Variants in EIF2AK2 observed in about 807,000 individuals in gnomAD.
EIF2AK2 encodes the protein interferon-induced, double-stranded RNA-activated protein kinase.
Under a neutral mutation model 70.5 loss-of-function variants are expected in EIF2AK2, and 40 were observed. The ratio of observed to expected loss-of-function variants is 0.57; its 90% CI spans 0.44 to 0.74. The LOEUF (loss-of-function observed/expected upper bound fraction) is 0.74, where lower values mean the gene tolerates loss of function less well. EIF2AK2 is among the 30% of genes least tolerant of loss of function. The pLI is 0.00. For synonymous variants in EIF2AK2, 198 were observed against 220.9 expected (o/e 0.90, Z 0.92); for missense variants, 555 against 644.3 (o/e 0.86, Z 1.50).
chr2:37,117,503 C>T (rs989981399), intron 13 of EIF2AK2, among the ~76,000 whole-genome samples: 1 of 152,190 alleles, frequency 6.6e-6, no homozygotes, highest in Non-Finnish European at 1.5e-5. Flanking sequence ...TACAACTGCA[C>T]TCCAGCCTGG....
chr2:37,131,415 C>A (rs1422053001), intron 10 of EIF2AK2, among the ~76,000 whole-genome samples: 1 of 152,188 alleles, frequency 6.6e-6, no homozygotes, highest in African/African-American at 2.4e-5. Context: ...TTAATTATCC[C>A]TGAGGCACAA....
chr2:37,149,902 T>C (rs188119979), intron 1 of EIF2AK2, among the ~76,000 whole-genome samples: 25 of 152,254 alleles, frequency 1.6e-4, no homozygotes, highest in African/African-American at 5.5e-4. Context: ...TGACATTTTA[T>C]AGAAGTGAAC....
chr2:37,147,739 A>G lies in EIF2AK2; in HGVS notation c.68T>C (p.Val23Ala), dbSNP rs764131160. Reference protein sequence around the residue: ...ELNTYRQKQGVVLKYQELPNS... With the variant: ...ELNTYRQKQGAVLKYQELPNS... ...AGGCAGTTCTTGATATTTAAGTACT[A>G]CTCCCTGCTTCTGACGGTATGTATT... is the stretch of plus-strand genomic sequence containing the variant. Residue 23 changes from valine to alanine, a missense_variant, in exon 3 of 17, where the codon GTA (valine) becomes GCA (alanine). By Grantham distance (64) the Val-to-Ala change is moderately conservative. This residue lies in a region of EIF2AK2 where 48 missense variants were observed against 77.1 expected (regional missense o/e 0.62). Coordinates refer to ENST00000233057, the MANE Select transcript of EIF2AK2 (RefSeq NM_001135651.3). 1 of 1,613,340 alleles carries G rather than the reference A, an allele frequency of 6.2e-7. No individual in the cohort carries two copies. The highest frequency in any genetic ancestry group is 8.5e-7 in the Non-Finnish European group (1 of 1,179,780).
intron 4 of EIF2AK2, among the ~76,000 whole-genome samples, chr2:37,145,742 CTTTTTT>C (rs56051707): frequency 0.033 from 1,708 of 51,272 alleles, 74 homozygotes; most frequent in African/African-American, 0.13. Context: ...TTTTGCTTGT[CTTTTTT>C]TTTTTTTTTT....
chr2:37,150,229 A>C (rs1412078385), intron 1 of EIF2AK2, among the ~76,000 whole-genome samples: 1 of 152,170 alleles, frequency 6.6e-6, no homozygotes, highest in Non-Finnish European at 1.5e-5. Flanking sequence ...CAAGCAATAA[A>C]AGGCTGGAAG....
At chr2:37,145,269 A>T (rs1305278866) in intron 4 of EIF2AK2, among the ~76,000 whole-genome samples, 2 of 151,204 alleles carry the variant, frequency 1.3e-5, no homozygotes, top group Non-Finnish European at 2.9e-5. Context: ...CAGCCTCCCA[A>T]GTAGCCGGAA....
chr2:37,113,418 C>T (rs1350849085), intron 14 of EIF2AK2, among the ~76,000 whole-genome samples: 1 of 148,886 alleles, frequency 6.7e-6, no homozygotes. Flanking sequence ...TTGCTTGAAC[C>T]CGGGAGGCAG....
In EIF2AK2 at chr2:37,114,663, T is replaced by C. The variant is rs1050172045; in HGVS notation, c.1377+68A>G. The C allele has an allele frequency of 1.5e-5, 20 of 1,375,698 alleles. No individual in the cohort carries two copies. The African/African-American group carries it at 1.8e-4, about 12-fold the overall frequency. The allele number at this position is 1,375,698 out of a possible 1,614,324, so 85.2% of individuals were successfully genotyped here. ...TGTACAGTTTTAATTATATAAGTAGTGTCTACTCTTTTTATAATTTTCAAA... is the reference window on the plus strand; with the variant it reads ...TGTACAGTTTTAATTATATAAGTAGCGTCTACTCTTTTTATAATTTTCAAA... On this transcript the variant is annotated intron_variant, in intron 14 of 16. Transcript: ENST00000233057.
chr2:37,137,600 C>T (rs1675172532), intron 8 of EIF2AK2, among the ~76,000 whole-genome samples: 1 of 152,182 alleles, frequency 6.6e-6, no homozygotes, highest in African/African-American at 2.4e-5. Flanking sequence ...TGTGCCACTG[C>T]ACCAGCCTAA....
chr2:37,135,496 G>A lies in EIF2AK2; in HGVS notation c.773C>T (p.Thr258Ile). Reference protein sequence around the residue: ...DLPDMKETKYTVDKRFGMDFK... With the variant: ...DLPDMKETKYIVDKRFGMDFK... ...CTTAAAATCTTACCTCTTGTCCACA[G>A]TATACTTTGTTTCTTTCATGTCAGG... is the stretch of plus-strand genomic sequence containing the variant. The change falls in exon 10 of 17, where the codon ACT becomes ATT. Residue 258 changes from threonine to isoleucine, a missense_variant. Thr to Ile is a moderately conservative substitution (Grantham distance 89). Coordinates refer to ENST00000233057, the MANE Select transcript of EIF2AK2 (RefSeq NM_001135651.3). The A allele has an allele frequency of 6.2e-7, 1 of 1,609,126 alleles. No individual in the cohort carries two copies. The highest frequency in any genetic ancestry group is 1.7e-5 in the Admixed American group (1 of 59,372).
At chr2:37,149,247 G>A in intron 1 of EIF2AK2, 1 of 1,101,510 alleles carries the variant, frequency 9.1e-7, no homozygotes, top group Non-Finnish European at 1.4e-6. Context: ...AAGTCACAAA[G>A]TATGAGCAAA....
At chr2:37,155,868 G>A (rs1355440355) in intron 1 of EIF2AK2, among the ~76,000 whole-genome samples, 1 of 151,202 alleles carries the variant, frequency 6.6e-6, no homozygotes, top group African/African-American at 2.4e-5. Flanking sequence ...TTGAACCTGA[G>A]AGGCAGAGGT....
At chr2:37,140,527 C>T (rs1338130513) in intron 5 of EIF2AK2, among the ~76,000 whole-genome samples, 3 of 151,958 alleles carry the variant, frequency 2.0e-5, no homozygotes, top group Non-Finnish European at 4.4e-5. Context: ...GAGTCTTCCC[C>T]GCTAGACCCT....
Position 37,147,789 on chromosome 2 carries a change from T to C in EIF2AK2, c.18A>G (p.Ser6=), listed in dbSNP as rs945820271. The C allele has an allele frequency of 3.1e-6, 5 of 1,612,908 alleles. No homozygotes were observed. The highest frequency in any genetic ancestry group is 2.2e-5 in the East Asian group (1 of 44,844). Residue 6 remains serine (S), a synonymous_variant, in exon 3 of 17, where the codon TCA becomes TCG. Transcript: ENST00000233057. ...TAAGTTCCTCCATGAAGAAACCTGC[T>C]GAAAGATCACCAGCCATTTCTTCTT... is the stretch of plus-strand genomic sequence containing the variant. The part of the protein sequence containing the change: MAGDL[S]AGFFMEELNT...
Position 37,104,344 on chromosome 2 carries a change from T to G in EIF2AK2, c.*2929A>C, listed in dbSNP as rs1254061387. 1.3e-5 allele frequency: 2 copies of G among 151,940 alleles called. No individual in the cohort carries two copies. The highest frequency in any genetic ancestry group is 1.9e-4 in the East Asian group (1 of 5,180). 9.4% of individuals were successfully genotyped at this position (151,940 alleles called of 1,614,324 possible). On this transcript the variant is annotated 3_prime_UTR_variant, in exon 17 of 17. Transcript: ENST00000233057. The stretch of plus-strand genomic sequence containing the variant: ...TTTTATTATTATTATTATTTAGATA[T>G]GATCTCACTCTGTCACCCAGGCTGG...
At chr2:37,143,709 C>A (rs538961406) in intron 4 of EIF2AK2, among the ~76,000 whole-genome samples, 2 of 152,066 alleles carry the variant, frequency 1.3e-5, no homozygotes, top group Admixed American at 1.3e-4. Flanking sequence ...CATAGTGAGA[C>A]TCCATCGCTA....
At chr2:37,139,398 A>AAT (rs1281527312) in intron 6 of EIF2AK2, among the ~76,000 whole-genome samples, 20 of 151,446 alleles carry the variant, frequency 1.3e-4, no homozygotes, top group African/African-American at 4.8e-4. Context: ...GGTGTGAGCC[A>AAT]CCACACCCAG....
At chr2:37,156,174 C>T (rs2148723142) in intron 1 of EIF2AK2, among the ~76,000 whole-genome samples, 1 of 152,162 alleles carries the variant, frequency 6.6e-6, no homozygotes, top group South Asian at 2.1e-4. Context: ...AAGAAACAAG[C>T]AGTGCAAAGG....
intron 6 of EIF2AK2, 148 bp downstream of exon 6, chr2:37,139,483 G>C (rs1379323616): frequency 1.7e-6 from 2 of 1,170,222 alleles, no homozygotes; most frequent in Non-Finnish European, 2.4e-6. Flanking sequence ...TGGCCCCATG[G>C]TGCATGGCTC....
Sources: allele counts gnomAD v4.1 joint callset (sites outside exome capture counted in the v4.1 genomes callset), GRCh38; gene constraint gnomAD v4.1.1; regional missense constraint gnomAD v4.1.1; transcripts MANE v1.5; gene names NCBI Gene and HGNC (gene_info 2026-07-23, HGNC 2026-07-21).